LARP1B: variants seen among roughly 807,000 people sequenced by gnomAD.
LARP1B encodes La ribonucleoprotein 1B.
A neutral mutation model predicts 114.2 loss-of-function variants in LARP1B; 76 were observed. The ratio of observed to expected loss-of-function variants is 0.67; its 90% CI spans 0.55 to 0.81. The LOEUF (loss-of-function observed/expected upper bound fraction) is 0.81, where lower values mean the gene tolerates loss of function less well. Ranked by LOEUF, LARP1B falls within the 30% of genes least tolerant of loss-of-function variation. The probability of loss-of-function intolerance (pLI) is 0.00; values close to 1 mark genes in which losing one functional copy is unlikely to be tolerated. For synonymous variants in LARP1B, 345 were observed against 348.0 expected (o/e 0.99, Z 0.10); for missense variants, 1,014 against 1,075.8 (o/e 0.94, Z 0.80).
chr4:128,187,639 A>G (rs1462443892), intron 15 of LARP1B, among the ~76,000 whole-genome samples: 4 of 151,986 alleles, frequency 2.6e-5, no homozygotes, highest in Non-Finnish European at 5.9e-5. Context: ...ACTTTGGGGG[A>G]TTGTTGGGAA....
chr4:128,214,045 C>A (rs1171530192), downstream of LARP1B, among the ~76,000 whole-genome samples: 2 of 149,916 alleles, frequency 1.3e-5, no homozygotes, highest in Non-Finnish European at 1.5e-5. Context: ...GGGTGACGGA[C>A]GCACCTGGAA....
At chr4:128,191,035 T>C (rs1247068104) in intron 15 of LARP1B, among the ~76,000 whole-genome samples, 1 of 152,206 alleles carries the variant, frequency 6.6e-6, no homozygotes, top group East Asian at 1.9e-4. Flanking sequence ...TAGGCTGTAT[T>C]TGAGCTCACT....
chr4:128,186,169 TG>T (rs1224022908), intron 15 of LARP1B, among the ~76,000 whole-genome samples: 1 of 151,506 alleles, frequency 6.6e-6, no homozygotes. Flanking sequence ...CGGCCTTTTG[TG>T]GTTCTGTATA....
chr4:128,191,351 T>C (rs548884256), intron 15 of LARP1B, among the ~76,000 whole-genome samples: 34 of 152,342 alleles, frequency 2.2e-4, no homozygotes, highest in Non-Finnish European at 3.4e-4. Context: ...TTAAAGGATT[T>C]ATTATTTATC....
chr4:128,168,312 T>A (rs1742041827), intron 12 of LARP1B, among the ~76,000 whole-genome samples: 1 of 152,028 alleles, frequency 6.6e-6, no homozygotes, highest in African/African-American at 2.4e-5. Flanking sequence ...CATCTAATAG[T>A]AGTATCTCAT....
rs960228925 is a variant in LARP1B at position 128,068,979 on chromosome 4, T to C, written c.-77-5481T>C. 31 of 671,650 alleles carry C rather than the reference T, an allele frequency of 4.6e-5. No individual in the cohort carries two copies. In the Admixed American group the frequency reaches 9.3e-4, roughly 20 times the overall value. 41.6% of individuals were successfully genotyped at this position (671,650 alleles called of 1,614,324 possible). A position where few individuals can be genotyped will look rare whatever the true frequency, so the allele number is the denominator to read the frequency against. On this transcript the variant is annotated intron_variant, in intron 1 of 19. Coordinates refer to ENST00000326639, the MANE Select transcript of LARP1B (RefSeq NM_018078.4). The stretch of plus-strand genomic sequence containing the variant: ...AAGCAGACATGATTGTCCTAAATTG[T>C]TTATTAGGTATGAATTTTACAAACT...
rs762962690 is a variant in LARP1B, at chr4:128,107,214, A to G, written c.889A>G (p.Ile297Val). Residue 297 changes from isoleucine (I) to valine (V), a missense_variant, in exon 9 of 20, where the codon ATT becomes GTT. Physicochemically the swap from Ile to Val is conservative, Grantham distance 29. Coordinates refer to ENST00000326639, the MANE Select transcript of LARP1B (RefSeq NM_018078.4). ...RKKIEPEKWP[I>V]PGPPPRSVPP... is the part of the protein sequence containing the mutation. ...AAAGATAGAACCAGAAAAATGGCCA[A>G]TTCCAGGCCCTCCTCCACGCAGTGT... The G allele has an allele frequency of 9.9e-6, 16 of 1,614,082 alleles. No individual in the cohort carries two copies. The Middle Eastern group carries it at 1.3e-3, about 133-fold the overall frequency.
intron 9 of LARP1B, among the ~76,000 whole-genome samples, chr4:128,111,856 A>ATT (rs569423146): frequency 1.4e-5 from 2 of 138,614 alleles, no homozygotes; most frequent in Admixed American, 7.2e-5. Flanking sequence ...TAATTTTTGT[A>ATT]TTTTTTTTTT....
chr4:128,141,069 C>T (rs1441448456), intron 11 of LARP1B, among the ~76,000 whole-genome samples: 1 of 152,126 alleles, frequency 6.6e-6, no homozygotes, highest in African/African-American at 2.4e-5. Flanking sequence ...CTGCCTCGGC[C>T]TCCCAAAGTG....
At chr4:128,065,897 C>T (rs893218837) in intron 1 of LARP1B, among the ~76,000 whole-genome samples, 2 of 152,046 alleles carry the variant, frequency 1.3e-5, no homozygotes, top group African/African-American at 2.4e-5. Flanking sequence ...CTCACTGCAG[C>T]CTTGACCTCC....
intron 11 of LARP1B, among the ~76,000 whole-genome samples, chr4:128,136,326 A>C (rs556041269): frequency 1.1e-3 from 172 of 151,890 alleles, no homozygotes; most frequent in Non-Finnish European, 1.8e-3. Flanking sequence ...AAAAACAAAA[A>C]AACAAAAAAA....
At chr4:128,175,731 C>T (rs1226969313) in intron 12 of LARP1B, among the ~76,000 whole-genome samples, 2 of 151,978 alleles carry the variant, frequency 1.3e-5, no homozygotes, top group African/African-American at 4.8e-5. Context: ...TTTATTAATC[C>T]ATTTCGGTCG....
At chr4:128,095,296 C>G (rs1403370527) in intron 7 of LARP1B, among the ~76,000 whole-genome samples, 1 of 151,780 alleles carries the variant, frequency 6.6e-6, no homozygotes. Flanking sequence ...CGAGACCAGG[C>G]TGGCCAACAT....
At chr4:128,073,583 T>TG (rs1561056590) in intron 1 of LARP1B, among the ~76,000 whole-genome samples, 19 of 24,020 alleles carry the variant, frequency 7.9e-4, no homozygotes, top group African/African-American at 2.3e-3. Context: ...TTTTTTTTTT[T>TG]TTTTTTTTTT....
chr4:128,146,540 A>G (rs13130497), intron 11 of LARP1B, among the ~76,000 whole-genome samples: 10,853 of 152,262 alleles, frequency 0.071, 562 homozygotes, highest in Non-Finnish European at 0.11. Flanking sequence ...GGGAAATGAA[A>G]TATATTGCAT....
rs769807581 is a variant in LARP1B at position 128,171,914 on chromosome 4, A to AT, written c.1649-4944dup. ...TAATGCATCTCTAGCTACTTTCAAG[A>AT]TTTTTTTTTTTTTTCATCTGACATT... On this transcript the variant is annotated intron_variant, in intron 12 of 19. Transcript: ENST00000326639. Among the ~76,000 whole-genome samples, 628 of 143,202 alleles carry AT rather than the reference A, an allele frequency of 4.4e-3. 4 individuals carry two copies. The highest frequency in any genetic ancestry group is 0.013 in the African/African-American group (526 of 39,108). The allele number at this position is 143,202 out of a possible 152,430, so 93.9% of individuals were successfully genotyped here.
intron 3 of LARP1B, among the ~76,000 whole-genome samples, chr4:128,076,571 C>G (rs550552733): frequency 6.6e-6 from 1 of 152,048 alleles, no homozygotes; most frequent in Non-Finnish European, 1.5e-5. Context: ...GCTATATGAA[C>G]GTTTGTGTAG....
chr4:128,098,838 CA>C (rs1472669266), intron 8 of LARP1B, among the ~76,000 whole-genome samples: 1 of 134,662 alleles, frequency 7.4e-6, no homozygotes, highest in Non-Finnish European at 1.5e-5. Context: ...AGTGCAGTGG[CA>C]TGATATCGGC....
chr4:128,082,684 T>C (rs1047408793), intron 5 of LARP1B, among the ~76,000 whole-genome samples: 1 of 152,326 alleles, frequency 6.6e-6, no homozygotes, highest in East Asian at 1.9e-4. Flanking sequence ...TTTTTGAAGA[T>C]TGTAGGATAA....
Sources: allele counts gnomAD v4.1 joint callset (sites outside exome capture counted in the v4.1 genomes callset), GRCh38; gene constraint gnomAD v4.1.1; transcripts MANE v1.5; gene names NCBI Gene and HGNC (gene_info 2026-07-23, HGNC 2026-07-21).